Variants in NEDD4L observed in about 807,000 individuals in gnomAD.
NEDD4L encodes E3 ubiquitin-protein ligase NEDD4-like.
A neutral mutation model predicts 148.9 loss-of-function variants in NEDD4L; 54 were observed. The ratio of observed to expected loss-of-function variants is 0.36; its 90% CI spans 0.29 to 0.45. The LOEUF is 0.45. NEDD4L is among the 20% of genes least tolerant of loss of function. The pLI, the probability that NEDD4L is intolerant of heterozygous loss-of-function variation, is 1.00. For synonymous variants in NEDD4L, 433 were observed against 440.7 expected (o/e 0.98, Z 0.22); for missense variants, 856 against 1,233.8 (o/e 0.69, Z 4.59).
At chr18:58,376,568 C>G (rs534638075) in intron 24 of NEDD4L, among the ~76,000 whole-genome samples, 2 of 152,314 alleles carry the variant, frequency 1.3e-5, no homozygotes, top group East Asian at 3.9e-4. Context: ...CCAAACCTTT[C>G]TCATTTCTGT....
chr18:58,250,350 A>G (rs1036968010), intron 4 of NEDD4L, among the ~76,000 whole-genome samples: 1 of 152,086 alleles, frequency 6.6e-6, no homozygotes, highest in African/African-American at 2.4e-5. Flanking sequence ...AGGTTTCACC[A>G]TGTTGGCCAG....
At position 58,211,598 on chromosome 18, in the gene NEDD4L, T is replaced by G. The variant is rs560228862; in HGVS notation, c.123-33829T>G. On this transcript the variant is annotated intron_variant, in intron 2 of 30. Transcript: ENST00000400345. ...ATTCCGGTTAGAATTTCCAAAGTGG[T>G]GGGTTTTCTCTTTAATTGAATAAAA... 5.9e-5 allele frequency among the ~76,000 whole-genome samples: 9 copies of G among 152,356 alleles called. 1 individual carries two copies. In the South Asian group the frequency reaches 1.7e-3, roughly 28 times the overall value.
chr18:58,284,107 C>A (rs2053569652), intron 5 of NEDD4L, among the ~76,000 whole-genome samples: 1 of 152,202 alleles, frequency 6.6e-6, no homozygotes, highest in South Asian at 2.1e-4. Flanking sequence ...GACTTCCAGC[C>A]TCCAGAACTT....
At chr18:58,285,356 T>C (rs2053739721) in intron 5 of NEDD4L, among the ~76,000 whole-genome samples, 6 of 152,020 alleles carry the variant, frequency 3.9e-5, no homozygotes, top group Admixed American at 3.9e-4. Flanking sequence ...TGAGATAGGG[T>C]CTTGCTCTGT....
intron 1 of NEDD4L, among the ~76,000 whole-genome samples, chr18:58,150,891 G>A (rs1320807181): frequency 3.9e-5 from 6 of 152,090 alleles, no homozygotes; most frequent in Non-Finnish European, 8.8e-5. Flanking sequence ...CCCTTCTCCT[G>A]TGATCTTGCC....
chr18:58,375,398 C>CTATTT (rs1418205304), intron 24 of NEDD4L, among the ~76,000 whole-genome samples: 2 of 152,012 alleles, frequency 1.3e-5, no homozygotes, highest in Non-Finnish European at 2.9e-5. Flanking sequence ...GAAATGCAGC[C>CTATTT]CTGAAAATGT....
At position 58,252,070 on chromosome 18, in the gene NEDD4L, T is replaced by C; in HGVS notation, c.297+16T>C. 2 of 1,555,810 alleles carry C rather than the reference T, an allele frequency of 1.3e-6. No homozygotes were observed. The highest frequency in any genetic ancestry group is 2.2e-5 in the South Asian group (2 of 89,780). The stretch of plus-strand genomic sequence containing the variant: ...AAATAGACTGGTAAGTGGATGCCTG[T>C]ATTTGAATTTTGCTTCATTTTTTTA... On this transcript the variant is annotated intron_variant, in intron 5 of 30. Transcript: ENST00000400345.
chr18:58,162,282 C>T (rs1394957508), intron 1 of NEDD4L, among the ~76,000 whole-genome samples: 1 of 152,092 alleles, frequency 6.6e-6, no homozygotes, highest in Non-Finnish European at 1.5e-5. Flanking sequence ...CTGAAGCTGG[C>T]CTCTGTGGTC....
intron 5 of NEDD4L, among the ~76,000 whole-genome samples, chr18:58,254,018 T>G (rs2048217166): frequency 6.6e-6 from 1 of 152,068 alleles, no homozygotes; most frequent in Non-Finnish European, 1.5e-5. Context: ...TGTTGGCTAT[T>G]AACCCAGCGG....
At chr18:58,200,936 G>A (rs527899086) in intron 2 of NEDD4L, among the ~76,000 whole-genome samples, 2 of 152,338 alleles carry the variant, frequency 1.3e-5, no homozygotes, top group East Asian at 3.9e-4. Flanking sequence ...TTGTATCTTA[G>A]ATCTTATATA....
At chr18:58,385,649 C>A in intron 26 of NEDD4L, 63 bp downstream of exon 26, 1 of 1,339,300 alleles carries the variant, frequency 7.5e-7, no homozygotes, top group Non-Finnish European at 1.1e-6. Flanking sequence ...TGGGGGATCG[C>A]GCTTCTCCTT....
intron 1 of NEDD4L, among the ~76,000 whole-genome samples, chr18:58,143,540 C>G (rs1199489662): frequency 6.6e-6 from 1 of 152,176 alleles, no homozygotes; most frequent in Non-Finnish European, 1.5e-5. Flanking sequence ...AAACCCAGTG[C>G]CAGTAATGAT....
intron 13 of NEDD4L, 37 bp from the exon 14 acceptor site, chr18:58,341,001 C>T (rs1490114547): frequency 1.3e-6 from 2 of 1,580,540 alleles, no homozygotes; most frequent in Admixed American, 1.8e-5. Flanking sequence ...AAAACAAATG[C>T]AAGGTATTAA....
chr18:58,103,240 C>T (rs1357017536), intron 1 of NEDD4L, among the ~76,000 whole-genome samples: 2 of 143,614 alleles, frequency 1.4e-5, no homozygotes, highest in Non-Finnish European at 1.5e-5. Flanking sequence ...ATTACATATA[C>T]ATATTATATA....
chr18:58,057,620 C>T (rs1256290331), intron 1 of NEDD4L, among the ~76,000 whole-genome samples: 3 of 152,138 alleles, frequency 2.0e-5, no homozygotes, highest in African/African-American at 7.2e-5. Context: ...TAGCCACAGG[C>T]TTGTTCCAGC....
intron 16 of NEDD4L, among the ~76,000 whole-genome samples, chr18:58,346,758 A>G (rs181230083): frequency 2.1e-3 from 323 of 152,386 alleles, no homozygotes; most frequent in African/African-American, 7.5e-3. Context: ...ATGAAACTGA[A>G]GAAAGGAAGA....
chr18:58,257,279 G>T (rs1251691694), intron 5 of NEDD4L, among the ~76,000 whole-genome samples: 1 of 152,106 alleles, frequency 6.6e-6, no homozygotes, highest in Admixed American at 6.5e-5. Flanking sequence ...AGTGGAATTT[G>T]ATTATCTGTC....
At position 58,366,154 on chromosome 18, in the gene NEDD4L, G is replaced by T. The variant is rs762902881; in HGVS notation, c.1989G>T (p.Val663=). Residue 663 remains valine (V), a synonymous_variant, in exon 21 of 31, where the codon GTG becomes GTT. Transcript: ENST00000400345. The surrounding 1 kb of genome is among the most constrained non-coding windows in gnomAD (Gnocchi z 4.2). ...ESEKGLDYGG[V]AREWFFLLSK... ...AGAAAGGTCTTGACTATGGGGGTGT[G>T]GCCAGAGAATGGTTCTTCTTACTGT... The T allele has an allele frequency of 6.2e-7, 1 of 1,613,566 alleles. No homozygotes were observed. The highest frequency in any genetic ancestry group is 1.3e-5 in the African/African-American group (1 of 75,032).
intron 1 of NEDD4L, among the ~76,000 whole-genome samples, chr18:58,078,343 A>G (rs1401834759): frequency 6.6e-6 from 1 of 152,228 alleles, no homozygotes; most frequent in Non-Finnish European, 1.5e-5. Flanking sequence ...TAAATATGAT[A>G]TCAAAGAAAA....
Sources: gnomAD v4.1 joint callset for allele counts (sites outside exome capture counted in the v4.1 genomes callset) on GRCh38, gnomAD v4.1.1 for gene constraint, Gnocchi (gnomAD v3.1) non-coding constraint, MANE v1.5 for transcripts, NCBI Gene and HGNC (gene_info 2026-07-23, HGNC 2026-07-21) for gene names.